The following STIM2 variants were observed in gnomAD, a reference collection of about 807,000 sequenced individuals.
STIM2 encodes stromal interaction molecule 2.
A neutral mutation model predicts 85.8 loss-of-function variants in STIM2; 31 were observed. That is an observed-to-expected ratio of 0.36 (90% confidence interval 0.27 to 0.49). STIM2 has a LOEUF of 0.49. Among genes scored for constraint, STIM2 ranks in the 20% least tolerant of loss-of-function variants. The pLI, the probability that STIM2 is intolerant of heterozygous loss-of-function variation, is 0.98. For synonymous variants in STIM2, 356 were observed against 331.1 expected (o/e 1.08, Z -0.82); for missense variants, 841 against 927.6 (o/e 0.91, Z 1.21).
chr4:26,862,846 A>G (rs116309976), intron 1 of STIM2, among the ~76,000 whole-genome samples: 2,889 of 152,330 alleles, frequency 0.019, 102 homozygotes, highest in African/African-American at 0.066. Flanking sequence ...AAGAATAGTG[A>G]TTATTAGGAA....
At chr4:26,974,120 AT>A (rs907478452) in intron 3 of STIM2, among the ~76,000 whole-genome samples, 29 of 152,196 alleles carry the variant, frequency 1.9e-4, no homozygotes, top group Admixed American at 1.8e-3. Context: ...TTTTGAGCCT[AT>A]GTAAGTCTTT....
At chr4:26,874,310 G>C (rs904291412) in intron 1 of STIM2, 4 of 367,338 alleles carry the variant, frequency 1.1e-5, no homozygotes, top group Non-Finnish European at 2.2e-5. Flanking sequence ...AGAGATCTCC[G>C]GCGCACAGAG....
Position 27,022,665 on chromosome 4 carries a change from G to T in STIM2, c.1910G>T (p.Arg637Leu). The T allele has an allele frequency of 6.2e-7, 1 of 1,614,178 alleles. No individual in the cohort carries two copies. Among genetic ancestry groups the T allele is most frequent in the Non-Finnish European group, 8.5e-7 (1 of 1,180,026 alleles). The change falls in exon 12 of 12, where the codon CGA becomes CTA. Residue 637 changes from arginine to leucine, a missense_variant. Physicochemically the swap from Arg to Leu is moderately radical, Grantham distance 102. Transcript: ENST00000467087. ...GAGGTGTCCCTAGAGGATTCCTCCC[G>T]AGGGGATTCGCCTGTAACTGTGGAT...
intron 3 of STIM2, among the ~76,000 whole-genome samples, chr4:26,971,088 T>A (rs1322173696): frequency 1.3e-5 from 2 of 152,066 alleles, no homozygotes; most frequent in East Asian, 3.9e-4. Flanking sequence ...TTTGATGGGG[T>A]TGTTTGCTTT....
At chr4:26,898,247 C>T (rs1053496577) in intron 1 of STIM2, among the ~76,000 whole-genome samples, 2 of 152,164 alleles carry the variant, frequency 1.3e-5, no homozygotes, top group Admixed American at 1.3e-4. Flanking sequence ...TGTTCTATCT[C>T]ATTTCCTCTA....
chr4:27,002,858 C>A, intron 6 of STIM2, 69 bp from the exon 7 acceptor site: 3 of 1,279,204 alleles, frequency 2.3e-6, no homozygotes, highest in Non-Finnish European at 3.1e-6. Flanking sequence ...ACCCAGTATT[C>A]ATTATTTTGT....
At chr4:26,991,386 T>C (rs1384185070) in intron 3 of STIM2, among the ~76,000 whole-genome samples, 1 of 152,034 alleles carries the variant, frequency 6.6e-6, no homozygotes, top group Non-Finnish European at 1.5e-5. Context: ...GTGGATTTTA[T>C]GGAAGTAGAG....
intron 3 of STIM2, among the ~76,000 whole-genome samples, chr4:26,971,467 G>A (rs1009782957): frequency 2.6e-5 from 4 of 152,184 alleles, no homozygotes; most frequent in African/African-American, 9.7e-5. Flanking sequence ...CATATAGCTA[G>A]CCAGTTTTCC....
At chr4:27,020,959 T>C in intron 11 of STIM2, 1 of 1,523,294 alleles carries the variant, frequency 6.6e-7, no homozygotes, top group South Asian at 1.2e-5. Flanking sequence ...ACCTTGACTC[T>C]CCCTTTCATT....
chr4:26,936,266 C>A (rs926773691), intron 2 of STIM2, among the ~76,000 whole-genome samples: 1 of 152,146 alleles, frequency 6.6e-6, no homozygotes, highest in Non-Finnish European at 1.5e-5. Context: ...TTATAGTAAC[C>A]TATTTACTGG....
chr4:26,936,888 C>T (rs1725411988), intron 2 of STIM2, among the ~76,000 whole-genome samples: 1 of 152,154 alleles, frequency 6.6e-6, no homozygotes, highest in South Asian at 2.1e-4. Context: ...CTCCTGGACT[C>T]CAGGCATCCT....
At position 26,923,315 on chromosome 4, in the gene STIM2, G is replaced by A. The variant is rs569125124; in HGVS notation, c.282+3681G>A. Among the ~76,000 whole-genome samples the A allele has an allele frequency of 7.2e-5, 11 of 152,032 alleles. No individual in the cohort carries two copies. In the East Asian group the frequency reaches 1.5e-3, roughly 21 times the overall value. ...AAAACTGGAAACTCTAAAACGCAGA[G>A]CGCCTCTCCTCCTCCAAAGGAACGC... On this transcript the variant is annotated intron_variant, in intron 2 of 11. Coordinates refer to ENST00000467087, the MANE Select transcript of STIM2 (RefSeq NM_020860.4).
rs1225876473 is a variant in STIM2 at position 26,995,445 on chromosome 4, A to C, written c.464A>C (p.Glu155Ala). Residue 155 changes from glutamate (E) to alanine (A), a missense_variant, in exon 4 of 12, where the codon GAG becomes GCG. Physicochemically the swap from Glu to Ala is moderately radical, Grantham distance 107 (BLOSUM62 -1). Transcript: ENST00000467087. ...GAGTTTGTTGAACTACCCCAATATG[A>C]GAAGAATTTTAGAGACAACAATGTC... 1 of 1,603,086 alleles carries C rather than the reference A, an allele frequency of 6.2e-7. No homozygotes were observed. Among genetic ancestry groups the C allele is most frequent in the East Asian group, 2.3e-5 (1 of 43,896 alleles).
intron 11 of STIM2, among the ~76,000 whole-genome samples, chr4:27,020,281 C>G (rs1728867873): frequency 6.6e-6 from 1 of 152,178 alleles, no homozygotes; most frequent in African/African-American, 2.4e-5. Context: ...CAGCTTCTGA[C>G]TTTGGAAGCT....
chr4:26,870,870 A>G (rs1722587170), intron 1 of STIM2, among the ~76,000 whole-genome samples: 1 of 151,814 alleles, frequency 6.6e-6, no homozygotes, highest in African/African-American at 2.4e-5. Flanking sequence ...TGATGTGGAG[A>G]TGCAGGTTAT....
Position 26,944,832 on chromosome 4 carries a change from T to C in STIM2, c.283-12780T>C, listed in dbSNP as rs528941247. On this transcript the variant is annotated intron_variant, in intron 2 of 11. Transcript: ENST00000467087. ...GCGTATGTATTCTTATGTACATGGATTTGTGAAGGTGGTTCAATAAAGATT... is the reference window on the plus strand; with the variant it reads ...GCGTATGTATTCTTATGTACATGGACTTGTGAAGGTGGTTCAATAAAGATT... Among the ~76,000 whole-genome samples, 12 of 152,322 alleles carry C rather than the reference T, an allele frequency of 7.9e-5. No individual in the cohort carries two copies. The East Asian group carries it at 2.1e-3, about 27-fold the overall frequency.
Position 26,957,812 on chromosome 4 carries a change from T to C in STIM2, c.397+86T>C, listed in dbSNP as rs556333357. 6.4e-5 allele frequency: 50 copies of C among 778,580 alleles called. No individual in the cohort carries two copies. In the South Asian group the frequency reaches 8.7e-4, roughly 13 times the overall value. 48.2% of individuals were successfully genotyped at this position (778,580 alleles called of 1,614,324 possible). ...TCTCAACTCACTTATAGTATGCTTT[T>C]ACCAAAAAAATCAAAATAACATTTC... On this transcript the variant is annotated intron_variant, in intron 3 of 11. Transcript: ENST00000467087.
chr4:26,875,419 T>G (rs1026489639), intron 1 of STIM2, among the ~76,000 whole-genome samples: 2 of 152,140 alleles, frequency 1.3e-5, no homozygotes, highest in African/African-American at 4.8e-5. Flanking sequence ...CGTTTTGAAG[T>G]CTTTAAGTTT....
chr4:26,988,908 A>G (rs1727669925), intron 3 of STIM2, among the ~76,000 whole-genome samples: 1 of 152,150 alleles, frequency 6.6e-6, no homozygotes, highest in South Asian at 2.1e-4. Flanking sequence ...GTTTATTATA[A>G]TGGAATCATA....
Sources: allele counts gnomAD v4.1 joint callset (sites outside exome capture counted in the v4.1 genomes callset), GRCh38; gene constraint gnomAD v4.1.1; transcripts MANE v1.5; gene names NCBI Gene and HGNC (gene_info 2026-07-23, HGNC 2026-07-21).